Variants in CD55 observed in about 807,000 individuals in gnomAD.
The protein encoded by CD55 is CD55 molecule (Cromer blood group).
A neutral mutation model predicts 45.8 loss-of-function variants in CD55; 41 were observed. The observed-to-expected ratio is 0.90, with a 90% CI of 0.70 to 1.16. The LOEUF (loss-of-function observed/expected upper bound fraction) is 1.16. CD55 is among the 50% of genes most tolerant of loss of function. The probability of loss-of-function intolerance (pLI) is 0.00; values close to 1 mark genes in which losing one functional copy is unlikely to be tolerated. For missense variants in CD55, 416 were observed against 469.8 expected, an observed-to-expected ratio of 0.89 and a Z score of 1.06; for synonymous variants, 181 against 181.1, an observed-to-expected ratio of 1.00 and a Z score of 0.01.
At chr1:207,340,225 T>C (rs1655363000) in intron 9 of CD55, among the ~76,000 whole-genome samples, 1 of 152,180 alleles carries the variant, frequency 6.6e-6, no homozygotes, top group African/African-American at 2.4e-5. Context: ...ATATTTGTCT[T>C]TTTTGCTTGG....
At chr1:207,350,391 C>T (rs906498326) in intron 9 of CD55, among the ~76,000 whole-genome samples, 1 of 151,776 alleles carries the variant, frequency 6.6e-6, no homozygotes, top group African/African-American at 2.4e-5. Context: ...TGAGGAGTCC[C>T]TCCTCCTTGA....
chr1:207,323,547 A>G (rs1220753985), intron 2 of CD55, among the ~76,000 whole-genome samples: 6 of 152,154 alleles, frequency 3.9e-5, no homozygotes, highest in Admixed American at 6.5e-5. Flanking sequence ...GAGGAAAAAA[A>G]TCTGTTACTT....
At chr1:207,352,179 G>A (rs1655890982) in intron 9 of CD55, among the ~76,000 whole-genome samples, 1 of 151,180 alleles carries the variant, frequency 6.6e-6, no homozygotes, top group African/African-American at 2.4e-5. Flanking sequence ...TGTAAATGAA[G>A]CATGTGTTGT....
chr1:207,332,469 G>A (rs1032084488), intron 6 of CD55, among the ~76,000 whole-genome samples: 4 of 152,174 alleles, frequency 2.6e-5, no homozygotes, highest in African/African-American at 9.7e-5. Flanking sequence ...CTTTTTAAAA[G>A]ACTGTACCAA....
chr1:207,332,659 C>T (rs1175304103), intron 6 of CD55, among the ~76,000 whole-genome samples: 1 of 151,758 alleles, frequency 6.6e-6, no homozygotes, highest in South Asian at 2.1e-4. Flanking sequence ...TTTATTTTTC[C>T]AAGTTTTATT....
intron 8 of CD55, among the ~76,000 whole-genome samples, chr1:207,338,172 C>T (rs1020498626): frequency 6.6e-6 from 1 of 152,104 alleles, no homozygotes; most frequent in Non-Finnish European, 1.5e-5. Flanking sequence ...GTGCTTACTT[C>T]CTGTCTGTTT....
In CD55 at chr1:207,334,415, A is replaced by T. The variant is rs1363090884; in HGVS notation, c.854-2278A>T. On this transcript the variant is annotated intron_variant, in intron 6 of 9. Transcript: ENST00000367064. ...AAATTCTTCAAGTAGAATGAAAATAATGCCAGGTAAAACATGAAAATACAA... is the reference window on the plus strand; with the variant it reads ...AAATTCTTCAAGTAGAATGAAAATATTGCCAGGTAAAACATGAAAATACAA... 5.3e-5 allele frequency among the ~76,000 whole-genome samples: 8 copies of T among 152,328 alleles called. No homozygotes were observed. The East Asian group carries it at 1.5e-3, about 29-fold the overall frequency.
chr1:207,331,282 CA>C lies in CD55; in HGVS notation c.840del (p.Pro281LeufsTer8). ...GATGAAGGAGAGTGGAGTGGCCCAC[CA>C]CCTGAATGCAGAGGTAATCACTTTG... ...NNDEGEWSGP[P>X]PECRGKSLTS... On this transcript the variant is annotated frameshift_variant, in exon 6 of 10. Coordinates refer to ENST00000367064, the MANE Select transcript of CD55 (RefSeq NM_000574.5). LOFTEE classifies it high-confidence loss of function. 1 of 1,613,022 alleles carries C rather than the reference CA, an allele frequency of 6.2e-7. No homozygotes were observed. The highest frequency in any genetic ancestry group is 8.5e-7 in the Non-Finnish European group (1 of 1,179,166).
intron 9 of CD55, 111 bp from the exon 10 acceptor site, chr1:207,359,435 A>G (rs1194986891): frequency 1.5e-5 from 17 of 1,133,658 alleles, no homozygotes; most frequent in Admixed American, 1.2e-4. Context: ...CCCCAAATTA[A>G]CTGATTCTTT....
At chr1:207,328,560 C>G (rs1281926841) in intron 5 of CD55, among the ~76,000 whole-genome samples, 2 of 152,218 alleles carry the variant, frequency 1.3e-5, no homozygotes, top group African/African-American at 4.8e-5. Flanking sequence ...AGAGGTGCTG[C>G]TAGTTTACCT....
At chr1:207,349,791 A>T (rs28739017) in intron 9 of CD55, among the ~76,000 whole-genome samples, 2 of 152,316 alleles carry the variant, frequency 1.3e-5, no homozygotes, top group Non-Finnish European at 2.9e-5. Flanking sequence ...TTCTAGGTTT[A>T]AACTCATATC....
rs2102372910 is a variant in CD55, at chr1:207,322,458, T to C, written c.177T>C (p.Thr59=). ...GCCGTACAAGTTTTCCCGAGGATAC[T>C]GTAATAACGTACAAATGTGAAGAAA... The part of the protein sequence containing the change: ...LEGRTSFPED[T]VITYKCEESF... The change falls in exon 2 of 10, where the codon ACT becomes ACC. Residue 59 remains threonine, a synonymous_variant. Coordinates refer to ENST00000367064, the MANE Select transcript of CD55 (RefSeq NM_000574.5). 1 of 1,614,240 alleles carries C rather than the reference T, an allele frequency of 6.2e-7. No homozygotes were observed. The highest frequency in any genetic ancestry group is 8.5e-7 in the Non-Finnish European group (1 of 1,180,026).
chr1:207,334,609 G>A (rs918635820), intron 6 of CD55, among the ~76,000 whole-genome samples: 5 of 152,088 alleles, frequency 3.3e-5, no homozygotes, highest in African/African-American at 4.8e-5. Context: ...GTACTGAAAA[G>A]GTGGTAAAAG....
At chr1:207,338,595 A>G (rs1445398433) in intron 8 of CD55, among the ~76,000 whole-genome samples, 1 of 152,198 alleles carries the variant, frequency 6.6e-6, no homozygotes, top group Non-Finnish European at 1.5e-5. Context: ...TCTTAGGTAC[A>G]ATTAATTTAC....
chr1:207,356,385 C>T (rs989874255), intron 9 of CD55, among the ~76,000 whole-genome samples: 4 of 151,998 alleles, frequency 2.6e-5, no homozygotes, highest in Admixed American at 1.3e-4. Flanking sequence ...TGTTTTTTCT[C>T]AATATATTCA....
intron 8 of CD55, 25 bp from the exon 9 acceptor site, chr1:207,339,372 T>A (rs761364842): frequency 6.3e-7 from 1 of 1,597,908 alleles, no homozygotes; most frequent in Admixed American, 1.7e-5. Flanking sequence ...TTGTTGTTAA[T>A]CCTTTTTTTC....
At chr1:207,356,579 A>G (rs1284978933) in intron 9 of CD55, among the ~76,000 whole-genome samples, 1 of 152,166 alleles carries the variant, frequency 6.6e-6, no homozygotes, top group Non-Finnish European at 1.5e-5. Flanking sequence ...TCTCACTTAT[A>G]TTAATAGATG....
intron 9 of CD55, among the ~76,000 whole-genome samples, chr1:207,340,143 C>G (rs1189275948): frequency 6.6e-6 from 1 of 152,268 alleles, no homozygotes; most frequent in Middle Eastern, 3.4e-3. Context: ...TTCTCAGCCT[C>G]TGGTATCTAA....
At chr1:207,348,358 G>A (rs918699483) in intron 9 of CD55, among the ~76,000 whole-genome samples, 5 of 152,078 alleles carry the variant, frequency 3.3e-5, no homozygotes, top group Admixed American at 1.3e-4. Context: ...TTGGCCTCAT[G>A]TATGTCTTCT....
Sources: gnomAD v4.1 joint callset for allele counts (sites outside exome capture counted in the v4.1 genomes callset) on GRCh38, gnomAD v4.1.1 for gene constraint, MANE v1.5 for transcripts, NCBI Gene and HGNC (gene_info 2026-07-23, HGNC 2026-07-21) for gene names.